PRKCE: variants seen among roughly 807,000 people sequenced by gnomAD.
PRKCE encodes the protein protein kinase C epsilon type.
Under a neutral mutation model 85.4 loss-of-function variants are expected in PRKCE, and 16 were observed. The ratio of observed to expected loss-of-function variants is 0.19; its 90% CI spans 0.13 to 0.28. The LOEUF (loss-of-function observed/expected upper bound fraction) is 0.28, where lower values mean the gene tolerates loss of function less well. Among genes scored for constraint, PRKCE ranks in the 10% least tolerant of loss-of-function variants. The pLI is 1.00. For missense variants in PRKCE, 573 were observed against 975.2 expected, an observed-to-expected ratio of 0.59 and a Z score of 5.49; for synonymous variants, 388 against 371.5, an observed-to-expected ratio of 1.04 and a Z score of -0.51.
rs1680379437 is a variant in PRKCE at position 46,185,381 on chromosome 2, C to A, written c.*500C>A. The A allele has an allele frequency of 6.5e-6, 1 of 153,498 alleles. No individual in the cohort carries two copies. The highest frequency in any genetic ancestry group is 2.4e-5 in the African/African-American group (1 of 41,454). 9.5% of individuals were successfully genotyped at this position (153,498 alleles called of 1,614,324 possible). On this transcript the variant is annotated 3_prime_UTR_variant, in exon 15 of 15. Coordinates refer to ENST00000306156, the MANE Select transcript of PRKCE (RefSeq NM_005400.3). This position sits in a 1 kb window ranked among gnomAD's most constrained non-coding sequence, Gnocchi z 4.7. The stretch of plus-strand genomic sequence containing the variant: ...TTCTCCGCACACACGAGGGAGGGCG[C>A]CCTTGAGGCATGCCCTCTGAGGGAG...
At chr2:45,651,517 A>C (rs1321725839), upstream of PRKCE, 1 of 151,872 alleles carries the variant, frequency 6.6e-6, no homozygotes, top group Non-Finnish European at 1.5e-5. Flanking sequence ...TCCTCTCGAC[A>C]TGCATCCCTC....
intron 1 of PRKCE, among the ~76,000 whole-genome samples, chr2:45,653,291 C>G (rs1675212416): frequency 6.7e-6 from 1 of 150,190 alleles, no homozygotes; most frequent in African/African-American, 2.5e-5. Context: ...TACTATAAAC[C>G]AAATGCATCC....
At chr2:45,801,937 C>A (rs561269315) in intron 1 of PRKCE, among the ~76,000 whole-genome samples, 1 of 152,150 alleles carries the variant, frequency 6.6e-6, no homozygotes, top group East Asian at 1.9e-4. Flanking sequence ...TAATACTTAA[C>A]ATCTAGGCTG....
At chr2:45,978,900 T>C (rs1702666129) in intron 3 of PRKCE, 76 bp from the exon 4 acceptor site, 1 of 1,362,430 alleles carries the variant, frequency 7.3e-7, no homozygotes, top group Non-Finnish European at 1.0e-6. Context: ...GTGGCCCAAA[T>C]TGGGTGGTTT....
intron 1 of PRKCE, among the ~76,000 whole-genome samples, chr2:45,725,366 T>G (rs1438533556): frequency 2.0e-5 from 3 of 152,376 alleles, no homozygotes; most frequent in South Asian, 4.1e-4. Context: ...AGATTAATGT[T>G]GTTTTCATGC....
At chr2:45,681,322 A>G (rs1450348752) in intron 1 of PRKCE, among the ~76,000 whole-genome samples, 1 of 143,050 alleles carries the variant, frequency 7.0e-6, no homozygotes, top group Non-Finnish European at 1.5e-5. Flanking sequence ...AAAAAAAGGC[A>G]TAGCATTTTC....
chr2:45,692,295 C>A (rs934566581), intron 1 of PRKCE, among the ~76,000 whole-genome samples: 1 of 152,106 alleles, frequency 6.6e-6, no homozygotes, highest in Non-Finnish European at 1.5e-5. Flanking sequence ...GTTGGCAGGG[C>A]CATGTTCCCT....
At chr2:45,791,451 G>C (rs1027699489) in intron 1 of PRKCE, among the ~76,000 whole-genome samples, 1 of 152,120 alleles carries the variant, frequency 6.6e-6, no homozygotes, top group Non-Finnish European at 1.5e-5. Context: ...CTAGTTTCAG[G>C]CTACCCTGTG....
At chr2:45,968,116 A>G (rs1014569994) in intron 2 of PRKCE, among the ~76,000 whole-genome samples, 2 of 151,950 alleles carry the variant, frequency 1.3e-5, no homozygotes, top group African/African-American at 4.8e-5. Context: ...GGCTCCATAT[A>G]CTCTGGAAGG....
At chr2:45,816,805 C>A (rs1008698463) in intron 1 of PRKCE, among the ~76,000 whole-genome samples, 2 of 152,098 alleles carry the variant, frequency 1.3e-5, no homozygotes, top group African/African-American at 4.8e-5. Flanking sequence ...GTCCATCCTC[C>A]CTCCCCCTAA....
chr2:46,181,002 G>A (rs1679925634), intron 14 of PRKCE, among the ~76,000 whole-genome samples: 1 of 152,202 alleles, frequency 6.6e-6, no homozygotes, highest in Non-Finnish European at 1.5e-5. Context: ...AGGCTCTGCA[G>A]TGGGGGCCAG....
intron 5 of PRKCE, among the ~76,000 whole-genome samples, chr2:45,983,055 C>T (rs1347746263): frequency 6.6e-6 from 1 of 152,216 alleles, no homozygotes; most frequent in Middle Eastern, 3.2e-3. Flanking sequence ...ACAGGCACAC[C>T]TAAGCTAGGC....
chr2:46,007,385 A>G, intron 8 of PRKCE, 77 bp from the exon 9 acceptor site: 1 of 1,421,936 alleles, frequency 7.0e-7, no homozygotes, highest in Non-Finnish European at 9.7e-7. Context: ...TACAGGGGAA[A>G]GTCTGAGTGT....
chr2:45,961,798 C>T (rs1163625760), intron 2 of PRKCE, among the ~76,000 whole-genome samples: 2 of 152,038 alleles, frequency 1.3e-5, no homozygotes, highest in African/African-American at 4.8e-5. Context: ...CGGGTTCAAG[C>T]GATTCTCCTG....
At chr2:45,970,750 ATGTCTT>A (rs1171576169) in intron 2 of PRKCE, among the ~76,000 whole-genome samples, 2 of 152,012 alleles carry the variant, frequency 1.3e-5, no homozygotes, top group Non-Finnish European at 2.9e-5. Flanking sequence ...ATGTAGCTGA[ATGTCTT>A]TGTTCTTAGG....
At position 45,968,094 on chromosome 2, in the gene PRKCE, A is replaced by G. The variant is rs1004821640; in HGVS notation, c.413-8335A>G. On this transcript the variant is annotated intron_variant, in intron 2 of 14. Transcript: ENST00000306156. Reference sequence around the variant, plus strand: ...GGCAAGTCTGGCCCAGGCAAGGTTGACCCTTGTTCTTGGCTCCATATACTC... The same window carrying G: ...GGCAAGTCTGGCCCAGGCAAGGTTGGCCCTTGTTCTTGGCTCCATATACTC... Among the ~76,000 whole-genome samples the G allele has an allele frequency of 2.6e-5, 4 of 152,216 alleles. No homozygotes were observed. The South Asian group carries it at 8.3e-4, about 32-fold the overall frequency.
chr2:45,784,598 T>C (rs1297915986), intron 1 of PRKCE, among the ~76,000 whole-genome samples: 1 of 152,206 alleles, frequency 6.6e-6, no homozygotes, highest in African/African-American at 2.4e-5. Context: ...GAGAAGATTT[T>C]AGATAAAGTA....
chr2:45,717,083 T>G (rs1191555685), intron 1 of PRKCE, among the ~76,000 whole-genome samples: 2 of 152,224 alleles, frequency 1.3e-5, no homozygotes, highest in Non-Finnish European at 2.9e-5. Flanking sequence ...CCAAACCATG[T>G]CACATGGTGA....
intron 1 of PRKCE, among the ~76,000 whole-genome samples, chr2:45,758,525 G>C (rs11695626): frequency 0.13 from 20,387 of 152,106 alleles, 1,613 homozygotes; most frequent in Middle Eastern, 0.29. Flanking sequence ...TTTTCCTTGA[G>C]ATGAACTCCT....
Sources: allele counts gnomAD v4.1 joint callset (sites outside exome capture counted in the v4.1 genomes callset), GRCh38; gene constraint gnomAD v4.1.1; non-coding constraint Gnocchi (gnomAD v3.1); transcripts MANE v1.5; gene names NCBI Gene and HGNC (gene_info 2026-07-23, HGNC 2026-07-21).